The following VIRMA variants were observed in gnomAD, a reference collection of about 807,000 sequenced individuals.
The protein encoded by VIRMA is protein virilizer homolog.
A neutral mutation model predicts 182.4 loss-of-function variants in VIRMA; 65 were observed. The ratio of observed to expected loss-of-function variants is 0.36; its 90% confidence interval spans 0.29 to 0.44. The LOEUF is 0.44. VIRMA is among the 20% of genes least tolerant of loss of function. VIRMA has a pLI of 1.00. For missense variants in VIRMA, 1,752 were observed against 2,158.1 expected (o/e 0.81, Z 3.73); for synonymous variants, 709 against 743.1 (o/e 0.95, Z 0.75).
chr8:94,495,718 T>C lies in VIRMA; in HGVS notation c.4544+13A>G. The C allele has an allele frequency of 1.9e-6, 3 of 1,607,306 alleles. No individual in the cohort carries two copies. The highest frequency in any genetic ancestry group is 2.6e-6 in the Non-Finnish European group (3 of 1,176,438). The stretch of plus-strand genomic sequence containing the variant: ...CCAACAGCTATTCAATCATAAAACA[T>C]TGTGTATTTTACCTATTGTTAAACA... On this transcript the variant is annotated intron_variant, in intron 19 of 23. Coordinates refer to ENST00000297591, the MANE Select transcript of VIRMA (RefSeq NM_015496.5).
At position 94,529,132 on chromosome 8, in the gene VIRMA, C is replaced by T. The variant is rs1205692891; in HGVS notation, c.818G>A (p.Ser273Asn). The T allele has an allele frequency of 6.8e-7, 1 of 1,478,464 alleles. No individual in the cohort carries two copies. Among genetic ancestry groups the T allele is most frequent in the Non-Finnish European group, 9.5e-7 (1 of 1,057,412 alleles). 91.6% of individuals were successfully genotyped at this position (1,478,464 alleles called of 1,614,324 possible). A position where few individuals can be genotyped will look rare whatever the true frequency, so the allele number is the denominator to read the frequency against. ...ATCTTCCTCTTCCTCCTCAGGAATACTGTCTACTGTTCGTCGATCATCCTC... is the reference window on the plus strand; with the variant it reads ...ATCTTCCTCTTCCTCCTCAGGAATATTGTCTACTGTTCGTCGATCATCCTC... Reference protein sequence around the residue: ...EDEDDRRTVDSIPEEEEEDEE... With the variant: ...EDEDDRRTVDNIPEEEEEDEE... The change falls in exon 7 of 24, where the codon AGT becomes AAT. Residue 273 changes from serine to asparagine, a missense_variant. Transcript: ENST00000297591.
In VIRMA at chr8:94,510,512, T is replaced by C; in HGVS notation, c.3531A>G (p.Leu1177=). The C allele has an allele frequency of 6.2e-7, 1 of 1,614,148 alleles. No individual in the cohort carries two copies. The highest frequency in any genetic ancestry group is 1.1e-5 in the South Asian group (1 of 91,080). ...CACACAATTGAACACAAATACGCCG[T>C]AACATATGTTGAATGGGCTGGCAGG... ...GTTCQPIQHM[L]RRICVQLCDL... is the part of the protein sequence containing the mutation. Residue 1177 remains leucine (L), a synonymous_variant, in exon 14 of 24, where the codon TTA becomes TTG. Coordinates refer to ENST00000297591, the MANE Select transcript of VIRMA (RefSeq NM_015496.5).
intron 16 of VIRMA, among the ~76,000 whole-genome samples, chr8:94,503,497 C>T (rs886720377): frequency 6.6e-6 from 1 of 151,924 alleles, no homozygotes; most frequent in African/African-American, 2.4e-5. Context: ...AACAAGTGAG[C>T]AGTACTCTCC....
At chr8:94,545,112 C>T (rs750931424) in intron 1 of VIRMA, among the ~76,000 whole-genome samples, 28 of 151,548 alleles carry the variant, frequency 1.8e-4, no homozygotes, top group Non-Finnish European at 3.7e-4. Flanking sequence ...GCCTGGGTGA[C>T]AAAGTAAGAC....
At chr8:94,501,069 C>A (rs1286929279) in intron 16 of VIRMA, among the ~76,000 whole-genome samples, 1 of 151,716 alleles carries the variant, frequency 6.6e-6, no homozygotes, top group African/African-American at 2.4e-5. Context: ...CATAGTGAAA[C>A]CCTGTCTCCA....
chr8:94,492,890 CTTA>C (rs1813651350), intron 20 of VIRMA, 72 bp from the exon 21 acceptor site: 1 of 1,188,640 alleles, frequency 8.4e-7, no homozygotes, highest in Non-Finnish European at 1.2e-6. Context: ...TACAGAAATT[CTTA>C]TTACCTATAA....
chr8:94,553,267 G>C (rs1007618685), intron 1 of VIRMA, 118 bp downstream of exon 1: 36 of 1,006,540 alleles, frequency 3.6e-5, no homozygotes, highest in Non-Finnish European at 5.3e-5. Flanking sequence ...GGGTGTCTGT[G>C]TGTAAGCGAG....
At chr8:94,530,116 C>G (rs1815112203) in intron 6 of VIRMA, among the ~76,000 whole-genome samples, 2 of 152,138 alleles carry the variant, frequency 1.3e-5, no homozygotes, top group African/African-American at 4.8e-5. Context: ...AACTGGTACT[C>G]TTTTGTACAT....
Position 94,534,889 on chromosome 8 carries a change from G to T in VIRMA, c.434C>A (p.Pro145Gln), listed in dbSNP as rs139231722. The change falls in exon 5 of 24, where the codon CCG becomes CAG. Residue 145 changes from proline to glutamine, a missense_variant. This residue lies in a region of VIRMA where 195 missense variants were observed against 191.7 expected (regional missense o/e 1.02). Coordinates refer to ENST00000297591, the MANE Select transcript of VIRMA (RefSeq NM_015496.5). ...TGGTTGTGGCTGGGGAGGTGGTGGC[G>T]GTGGAGGTGGTGGTGGTGGAGAGTC... is the stretch of plus-strand genomic sequence containing the variant. ...DRDSPPPPPPPPPPPQPQPSL... is the reference protein window; with the variant it reads ...DRDSPPPPPPQPPPPQPQPSL... 5 of 1,612,530 alleles carry T rather than the reference G, an allele frequency of 3.1e-6. No homozygotes were observed. Among genetic ancestry groups the T allele is most frequent in the East Asian group, 2.2e-5 (1 of 44,852 alleles).
At chr8:94,528,615 G>C (rs774006604) in intron 7 of VIRMA, among the ~76,000 whole-genome samples, 6 of 152,166 alleles carry the variant, frequency 3.9e-5, no homozygotes, top group African/African-American at 1.2e-4. Context: ...TTGTGTAATT[G>C]AGATTTTTCC....
chr8:94,526,093 C>T (rs1385610855), intron 8 of VIRMA, 130 bp downstream of exon 8: 15 of 687,026 alleles, frequency 2.2e-5, no homozygotes, highest in East Asian at 1.4e-4. Context: ...ACTAAATAAC[C>T]GTTTTGAAAT....
chr8:94,510,442 C>G lies in VIRMA; in HGVS notation c.3601G>C (p.Asp1201His). The change falls in exon 14 of 24, where the codon GAT (aspartate) becomes CAT (histidine). Residue 1201 changes from aspartate to histidine, a missense_variant. Around this residue, in one of 11 missense-constraint regions of VIRMA, gnomAD observed 777 missense variants for 920.6 expected, o/e 0.84. Transcript: ENST00000297591. ...CTTTGCAAGTCTTCTACAATCAAAT[C>G]CAACACAGTTCTCATAATCAGAAGT... ...TALLIMRTVL[D>H]LIVEDLQSTS... The G allele has an allele frequency of 6.2e-7, 1 of 1,613,924 alleles. No individual in the cohort carries two copies. The highest frequency in any genetic ancestry group is 8.5e-7 in the Non-Finnish European group (1 of 1,179,890).
intron 18 of VIRMA, 61 bp from the exon 19 acceptor site, chr8:94,495,952 T>C (rs929835813): frequency 7.7e-6 from 11 of 1,437,876 alleles, no homozygotes; most frequent in Non-Finnish European, 1.0e-5. Context: ...GTAAACCTAC[T>C]GACTCTTTCG....
At chr8:94,489,598 C>A (rs1373849910) in intron 23 of VIRMA, among the ~76,000 whole-genome samples, 1 of 152,182 alleles carries the variant, frequency 6.6e-6, no homozygotes, top group Non-Finnish European at 1.5e-5. Flanking sequence ...TGAAGATCCA[C>A]TTCCACTTAA....
At chr8:94,510,725 A>G in intron 13 of VIRMA, 73 bp from the exon 14 acceptor site, 2 of 1,111,990 alleles carry the variant, frequency 1.8e-6, no homozygotes. Context: ...ACTGTTCAGG[A>G]AGAAATGTTA....
At chr8:94,492,865 A>C (rs754454415) in intron 20 of VIRMA, 47 bp from the exon 21 acceptor site, 13 of 1,455,826 alleles carry the variant, frequency 8.9e-6, no homozygotes, top group Middle Eastern at 3.5e-4. Flanking sequence ...TGTAATTATT[A>C]GCATAACATT....
Position 94,534,926 on chromosome 8 carries a change from TTA to T in VIRMA, c.395_396del (p.Ile132LysfsTer3). The part of the protein sequence containing the change: ...LAIYGSVDRV[I>X]SHDRDSPPPP... ...GGTGGTGGAGAGTCTCTGTCATGACTTATCACTCTATCCACTGATCCATATAT... is the reference window on the plus strand; with the variant it reads ...GGTGGTGGAGAGTCTCTGTCATGACTTCACTCTATCCACTGATCCATATAT... On this transcript the variant is annotated frameshift_variant, in exon 5 of 24. Transcript: ENST00000297591. LOFTEE classifies it high-confidence loss of function. The T allele has an allele frequency of 6.2e-7, 1 of 1,613,980 alleles. No individual in the cohort carries two copies. Among genetic ancestry groups the T allele is most frequent in the Non-Finnish European group, 8.5e-7 (1 of 1,179,946 alleles).
At position 94,526,909 on chromosome 8, in the gene VIRMA, A is replaced by G; in HGVS notation, c.1335T>C (p.Leu445=). Residue 445 remains leucine (L), a synonymous_variant, in exon 8 of 24, where the codon CTT becomes CTC. Coordinates refer to ENST00000297591, the MANE Select transcript of VIRMA (RefSeq NM_015496.5). ...TMQALNLQVA[L]RQPIALNVRQ... Reference sequence around the variant, plus strand: ...GAACATTTAAGGCGATAGGTTGGCGAAGCGCTACTTGTAAATTTAAAGCTT... The same window carrying G: ...GAACATTTAAGGCGATAGGTTGGCGGAGCGCTACTTGTAAATTTAAAGCTT... 1 of 1,614,188 alleles carries G rather than the reference A, an allele frequency of 6.2e-7. No homozygotes were observed. The highest frequency in any genetic ancestry group is 8.5e-7 in the Non-Finnish European group (1 of 1,180,022).
At chr8:94,527,480 C>A in intron 7 of VIRMA, 117 bp from the exon 8 acceptor site, 1 of 612,400 alleles carries the variant, frequency 1.6e-6, no homozygotes, top group Non-Finnish European at 2.6e-6. Flanking sequence ...TCAACAAAAC[C>A]AACTTCTGCC....
Sources: gnomAD v4.1 joint callset for allele counts (sites outside exome capture counted in the v4.1 genomes callset) on GRCh38, gnomAD v4.1.1 for gene constraint, gnomAD v4.1.1 regional missense constraint, MANE v1.5 for transcripts, NCBI Gene and HGNC (gene_info 2026-07-23, HGNC 2026-07-21) for gene names.